Variants in CNTNAP4 observed in about 807,000 individuals in gnomAD.
CNTNAP4 encodes contactin-associated protein-like 4.
In CNTNAP4, 98 loss-of-function variants were observed where a neutral mutation model predicts 148.4. That is an observed-to-expected ratio of 0.66 (90% confidence interval 0.56 to 0.78). The LOEUF (loss-of-function observed/expected upper bound fraction) is 0.78. Among genes scored for constraint, CNTNAP4 ranks in the 30% least tolerant of loss-of-function variants. The probability of loss-of-function intolerance (pLI) is 0.00; values close to 1 mark genes in which losing one functional copy is unlikely to be tolerated. For synonymous variants in CNTNAP4, 730 were observed against 565.1 expected, an observed-to-expected ratio of 1.29 and a Z score of -4.14; for missense variants, 1,935 against 1,565.6, an observed-to-expected ratio of 1.24 and a Z score of -3.98.
chr16:76,447,898 A>G, intron 4 of CNTNAP4, 114 bp from the exon 5 acceptor site: 2 of 687,344 alleles, frequency 2.9e-6, no homozygotes, highest in African/African-American at 1.8e-5. Flanking sequence ...GAGCATCTGT[A>G]TATGCATGTG....
intron 8 of CNTNAP4, among the ~76,000 whole-genome samples, chr16:76,460,773 A>AAATATATATATATAT: frequency 8.7e-5 from 5 of 57,328 alleles, no homozygotes; most frequent in African/African-American, 3.2e-4. Flanking sequence ...AAAAAAAAAA[A>AAATATATATATATAT]ATATATATAT....
At chr16:76,390,287 T>C (rs1208808350) in intron 3 of CNTNAP4, among the ~76,000 whole-genome samples, 2 of 152,222 alleles carry the variant, frequency 1.3e-5, no homozygotes, top group Non-Finnish European at 2.9e-5. Flanking sequence ...CAGTAACTTA[T>C]CTATTGTAAC....
At chr16:76,481,584 G>T (rs890067082) in intron 12 of CNTNAP4, among the ~76,000 whole-genome samples, 9 of 152,038 alleles carry the variant, frequency 5.9e-5, no homozygotes, top group Non-Finnish European at 1.3e-4. Context: ...AGCCTCCCGG[G>T]GCTAGTATGG....
chr16:76,423,298 GTACT>G (rs1187741901), intron 3 of CNTNAP4, among the ~76,000 whole-genome samples: 8 of 152,208 alleles, frequency 5.3e-5, no homozygotes, highest in Middle Eastern at 3.4e-3. Context: ...AACCAGAGGA[GTACT>G]TTAAGAGTGA....
Position 76,418,832 on chromosome 16 carries a change from A to G in CNTNAP4, c.391-8620A>G, listed in dbSNP as rs149175317. On this transcript the variant is annotated intron_variant, in intron 3 of 23. Transcript: ENST00000611870. ...AAACTAAGACAAATAGGTTGTTAGT[A>G]TGAAGATTTACATTACTCTGGCTAA... 2.4e-4 allele frequency among the ~76,000 whole-genome samples: 36 copies of G among 152,002 alleles called. No homozygotes were observed. In the East Asian group the frequency reaches 6.4e-3, roughly 27 times the overall value.
intron 5 of CNTNAP4, among the ~76,000 whole-genome samples, 157 bp from the exon 6 acceptor site, chr16:76,448,610 A>T (rs189133330): frequency 6.6e-6 from 1 of 152,212 alleles, no homozygotes; most frequent in Non-Finnish European, 1.5e-5. Flanking sequence ...AGATATTATT[A>T]TATTGAAACT....
rs531996921 is a variant in CNTNAP4 at position 76,395,274 on chromosome 16, T to G, written c.391-32178T>G. On this transcript the variant is annotated intron_variant, in intron 3 of 23. Transcript: ENST00000611870. Reference sequence around the variant, plus strand: ...CCACTTATCAGGCCAAAGATTCTTTTTTTTTTTTTGAGATGCAGTCTCTGT... The same window carrying G: ...CCACTTATCAGGCCAAAGATTCTTTGTTTTTTTTTGAGATGCAGTCTCTGT... Among the ~76,000 whole-genome samples, 131 of 151,866 alleles carry G rather than the reference T, an allele frequency of 8.6e-4. No individual in the cohort carries two copies. In the South Asian group the frequency reaches 0.012, roughly 14 times the overall value.
chr16:76,345,661 G>A (rs1660887360), intron 2 of CNTNAP4, among the ~76,000 whole-genome samples: 1 of 152,206 alleles, frequency 6.6e-6, no homozygotes, highest in Non-Finnish European at 1.5e-5. Context: ...GAGCCTGGAA[G>A]ATGGAAGTCC....
chr16:76,426,290 G>A (rs2079398934), intron 3 of CNTNAP4, among the ~76,000 whole-genome samples: 1 of 152,202 alleles, frequency 6.6e-6, no homozygotes, highest in South Asian at 2.1e-4. Context: ...CAGATGATCA[G>A]ATACCCTGGG....
At chr16:76,444,755 AT>A (rs530828606) in intron 4 of CNTNAP4, among the ~76,000 whole-genome samples, 5 of 151,986 alleles carry the variant, frequency 3.3e-5, no homozygotes, top group African/African-American at 4.8e-5. Flanking sequence ...ATCATCCAGA[AT>A]TTTTTTTCAT....
chr16:76,304,912 G>A (rs1321902435), intron 1 of CNTNAP4, among the ~76,000 whole-genome samples: 1 of 152,088 alleles, frequency 6.6e-6, no homozygotes, highest in African/African-American at 2.4e-5. Context: ...CATTTCTTGG[G>A]AATCCATCCA....
intron 3 of CNTNAP4, among the ~76,000 whole-genome samples, chr16:76,389,085 G>A (rs1416566285): frequency 6.6e-6 from 1 of 152,158 alleles, no homozygotes; most frequent in Non-Finnish European, 1.5e-5. Context: ...TAGAGTATAA[G>A]TATGTGTAAA....
At chr16:76,292,558 C>T (rs1031433764) in intron 1 of CNTNAP4, among the ~76,000 whole-genome samples, 23 of 152,260 alleles carry the variant, frequency 1.5e-4, no homozygotes, top group African/African-American at 3.9e-4. Context: ...TGCAGGTTTT[C>T]GGTTGTAACC....
Position 76,461,952 on chromosome 16 carries a change from C to G in CNTNAP4, c.1334-4C>G, listed in dbSNP as rs747740386. 3 of 1,613,148 alleles carry G rather than the reference C, an allele frequency of 1.9e-6. No homozygotes were observed. In the Admixed American group the frequency reaches 5.0e-5, roughly 27 times the overall value. On this transcript the variant is annotated splice_polypyrimidine_tract_variant and splice_region_variant and intron_variant, in intron 8 of 23. Coordinates refer to ENST00000611870, the MANE Select transcript of CNTNAP4 (RefSeq NM_033401.5). ...GCGATCTCTAACTGATTTCATCTCC[C>G]TAGGTGTCGAATTAAATGATGGGCA...
intron 15 of CNTNAP4, among the ~76,000 whole-genome samples, chr16:76,513,646 G>A (rs191875545): frequency 6.6e-6 from 1 of 152,142 alleles, no homozygotes; most frequent in Admixed American, 6.5e-5. Flanking sequence ...TTACAAATGG[G>A]CTGTAACAGA....
intron 3 of CNTNAP4, among the ~76,000 whole-genome samples, chr16:76,408,414 A>AGTTGTT (rs1568042003): frequency 6.6e-6 from 1 of 151,672 alleles, no homozygotes; most frequent in African/African-American, 2.4e-5. Context: ...AACAATTAAC[A>AGTTGTT]ACCACCACCC....
rs751099156 is a variant in CNTNAP4, at chr16:76,348,188, CT to C, written c.197-7116del. Among the ~76,000 whole-genome samples the C allele has an allele frequency of 5.3e-3, 722 of 136,026 alleles. 3 individuals are homozygous for C. Among genetic ancestry groups the C allele is most frequent in the African/African-American group, 0.011 (408 of 37,228 alleles). The allele number at this position is 136,026 out of a possible 152,430, so 89.2% of individuals were successfully genotyped here. On this transcript the variant is annotated intron_variant, in intron 2 of 23. Transcript: ENST00000611870. ...AGAAAGAAAGGGGTCAAGCGTGACTCTTTTTTTTTTTTTTGTACTGAGAAAC... is the reference window on the plus strand; with the variant it reads ...AGAAAGAAAGGGGTCAAGCGTGACTCTTTTTTTTTTTTTGTACTGAGAAAC...
At chr16:76,379,845 G>T (rs368837995) in intron 3 of CNTNAP4, among the ~76,000 whole-genome samples, 5 of 152,212 alleles carry the variant, frequency 3.3e-5, no homozygotes, top group Non-Finnish European at 7.4e-5. Flanking sequence ...TTCCTGTTCT[G>T]TTCCTGGGTT....
intron 2 of CNTNAP4, among the ~76,000 whole-genome samples, chr16:76,351,884 G>C (rs537513620): frequency 1.5e-4 from 23 of 152,250 alleles, no homozygotes; most frequent in African/African-American, 5.1e-4. Flanking sequence ...GCTGTCATGT[G>C]TTCGCTTTTT....
Sources: allele counts gnomAD v4.1 joint callset (sites outside exome capture counted in the v4.1 genomes callset), GRCh38; gene constraint gnomAD v4.1.1; transcripts MANE v1.5; gene names NCBI Gene and HGNC (gene_info 2026-07-23, HGNC 2026-07-21).